Variants in CLEC6A observed in about 807,000 individuals in gnomAD.
The protein encoded by CLEC6A is C-type lectin domain containing 6A.
CLEC6A carries 22 observed loss-of-function variants against 25.7 expected under a neutral mutation model. The ratio of observed to expected loss-of-function variants is 0.85; its 90% CI spans 0.61 to 1.22. CLEC6A has a LOEUF of 1.22. CLEC6A is among the 50% of genes most tolerant of loss of function. The probability of loss-of-function intolerance (pLI) is 0.00; values close to 1 mark genes in which losing one functional copy is unlikely to be tolerated. For missense variants in CLEC6A, 240 were observed against 236.8 expected, an observed-to-expected ratio of 1.01 and a Z score of -0.09; for synonymous variants, 92 against 76.7, an observed-to-expected ratio of 1.20 and a Z score of -1.04.
chr12:8,456,216 C>A, intron 1 of CLEC6A, 74 bp downstream of exon 1: 1 of 1,443,272 alleles, frequency 6.9e-7, no homozygotes, highest in Non-Finnish European at 9.7e-7. Flanking sequence ...GAAGAAGTAG[C>A]CAAAGAACAG....
chr12:8,456,997 C>T (rs4883147), intron 1 of CLEC6A, among the ~76,000 whole-genome samples: 114,068 of 151,708 alleles, frequency 0.75, 43,318 homozygotes, highest in East Asian at 0.99. Flanking sequence ...GTAATCCTAG[C>T]CACTCAGGAG....
At chr12:8,467,180 A>G (rs2136361927) in intron 4 of CLEC6A, among the ~76,000 whole-genome samples, 1 of 152,116 alleles carries the variant, frequency 6.6e-6, no homozygotes, top group Middle Eastern at 3.4e-3. Context: ...TTTGCTTTGT[A>G]GAAGTTTTTA....
In CLEC6A at chr12:8,458,044, C is replaced by T; in HGVS notation, c.121+57C>T. On this transcript the variant is annotated intron_variant, in intron 2 of 5. Coordinates refer to ENST00000382073, the MANE Select transcript of CLEC6A (RefSeq NM_001007033.2). Reference sequence around the variant, plus strand: ...CTTCCTTTCCCTTGAATATTCCATACAGGTTTCCTAGGATATATTCTCCTT... The same window carrying T: ...CTTCCTTTCCCTTGAATATTCCATATAGGTTTCCTAGGATATATTCTCCTT... 13 of 1,240,100 alleles carry T rather than the reference C, an allele frequency of 1.0e-5. No individual in the cohort carries two copies. In the South Asian group the frequency reaches 1.6e-4, roughly 15 times the overall value. The allele number at this position is 1,240,100 out of a possible 1,614,324, so 76.8% of individuals were successfully genotyped here.
At chr12:8,476,353 G>A (rs1939974277) in intron 5 of CLEC6A, 113 bp downstream of exon 5, 2 of 700,044 alleles carry the variant, frequency 2.9e-6, no homozygotes, top group Admixed American at 2.5e-5. Context: ...CAATTATTAA[G>A]CATTACTAAG....
At position 8,469,346 on chromosome 12, in the gene CLEC6A, A is replaced by G. The variant is rs770907717; in HGVS notation, c.369+3717A>G. On this transcript the variant is annotated intron_variant, in intron 4 of 5. Transcript: ENST00000382073. ...GATGATTAGAATCAATATTGTTAAA[A>G]TGACCATATTGCCAAAAGCAGTCTA... 7.2e-5 allele frequency among the ~76,000 whole-genome samples: 11 copies of G among 152,322 alleles called. No individual in the cohort carries two copies. The East Asian group carries it at 2.1e-3, about 29-fold the overall frequency.
At chr12:8,457,270 T>C (rs1195231602) in intron 1 of CLEC6A, among the ~76,000 whole-genome samples, 1 of 152,240 alleles carries the variant, frequency 6.6e-6, no homozygotes, top group East Asian at 1.9e-4. Flanking sequence ...TTCTATTCAC[T>C]ACCTCCATGA....
At chr12:8,458,189 G>T (rs959319650) in intron 2 of CLEC6A, among the ~76,000 whole-genome samples, 3 of 152,034 alleles carry the variant, frequency 2.0e-5, no homozygotes, top group African/African-American at 7.2e-5. Flanking sequence ...TACTTTACCT[G>T]GTTTTATTAG....
At chr12:8,456,735 T>C (rs1160280970) in intron 1 of CLEC6A, among the ~76,000 whole-genome samples, 4 of 152,222 alleles carry the variant, frequency 2.6e-5, no homozygotes, top group African/African-American at 7.2e-5. Context: ...AATTACATTA[T>C]CCATCACCTC....
chr12:8,471,676 T>C (rs946967826), intron 4 of CLEC6A, among the ~76,000 whole-genome samples: 5 of 152,120 alleles, frequency 3.3e-5, no homozygotes, highest in African/African-American at 1.2e-4. Context: ...TCCTTTTTCT[T>C]ACTTAGTCTA....
intron 3 of CLEC6A, chr12:8,461,094 G>A: frequency 1.3e-6 from 2 of 1,595,870 alleles, no homozygotes; most frequent in Non-Finnish European, 1.7e-6. Flanking sequence ...ACAAGCACAG[G>A]GAGATGTGTG....
intron 3 of CLEC6A, 130 bp downstream of exon 3, chr12:8,459,828 T>G (rs1449275190): frequency 4.0e-5 from 26 of 650,760 alleles, no homozygotes; most frequent in Non-Finnish European, 6.0e-5. Flanking sequence ...TTGGATATTT[T>G]CATAATTTCT....
At position 8,478,046 on chromosome 12, in the gene CLEC6A, G is replaced by A. The variant is rs934137418; in HGVS notation, c.*582G>A. The stretch of plus-strand genomic sequence containing the variant: ...TTCAATCAAGTTTGGCAAGCAGGGT[G>A]TTCGATACTGCTATATCCTGTATTC... On this transcript the variant is annotated 3_prime_UTR_variant, in exon 6 of 6. Transcript: ENST00000382073. The A allele has an allele frequency of 1.3e-5, 2 of 152,014 alleles. No individual in the cohort carries two copies. Among genetic ancestry groups the A allele is most frequent in the Admixed American group, 1.3e-4 (2 of 15,242 alleles). The allele number at this position is 152,014 out of a possible 1,614,324, so 9.4% of individuals were successfully genotyped here.
At chr12:8,457,839 G>A (rs2136356030) in intron 1 of CLEC6A, 59 bp from the exon 2 acceptor site, 1 of 1,211,214 alleles carries the variant, frequency 8.3e-7, no homozygotes, top group East Asian at 2.3e-5. Flanking sequence ...TAAGCTTCCT[G>A]GGGATTTTGG....
At chr12:8,469,434 A>C (rs1030031582) in intron 4 of CLEC6A, among the ~76,000 whole-genome samples, 4 of 152,098 alleles carry the variant, frequency 2.6e-5, no homozygotes, top group African/African-American at 7.2e-5. Flanking sequence ...GAAAAAAAAA[A>C]CCCTAAAATT....
intron 4 of CLEC6A, among the ~76,000 whole-genome samples, chr12:8,466,653 T>G (rs1423748715): frequency 2.0e-5 from 2 of 101,870 alleles, no homozygotes; most frequent in African/African-American, 3.4e-5. Flanking sequence ...GTTGAGCAAG[T>G]GTTGTTTTGT....
rs1939816441 is a variant in CLEC6A at position 8,465,388 on chromosome 12, G to T, written c.224-96G>T. 3.3e-6 allele frequency: 4 copies of T among 1,200,856 alleles called. No homozygotes were observed. The African/African-American group carries it at 4.6e-5, about 14-fold the overall frequency. The allele number at this position is 1,200,856 out of a possible 1,614,324, so 74.4% of individuals were successfully genotyped here. On this transcript the variant is annotated intron_variant, in intron 3 of 5. Coordinates refer to ENST00000382073, the MANE Select transcript of CLEC6A (RefSeq NM_001007033.2). ...ATAATTCAGGAAACAGTAAAAACGT[G>T]AATTAAGAAACTGTCTCTACAAAGC...
intron 2 of CLEC6A, 31 bp from the exon 3 acceptor site, chr12:8,459,566 A>T: frequency 1.5e-6 from 2 of 1,371,788 alleles, no homozygotes; most frequent in Non-Finnish European, 2.1e-6. Context: ...AAAATAATAG[A>T]TGGACACTAA....
chr12:8,467,026 C>G (rs1939841809), intron 4 of CLEC6A, among the ~76,000 whole-genome samples: 1 of 152,160 alleles, frequency 6.6e-6, no homozygotes. Context: ...CCTTTGCCCT[C>G]TTTTTAACTG....
At chr12:8,467,590 T>C (rs1565483331) in intron 4 of CLEC6A, among the ~76,000 whole-genome samples, 1 of 152,200 alleles carries the variant, frequency 6.6e-6, no homozygotes. Flanking sequence ...TCGATTACTG[T>C]AGCTTTGGAA....
Sources: gnomAD v4.1 joint callset for allele counts (sites outside exome capture counted in the v4.1 genomes callset) on GRCh38, gnomAD v4.1.1 for gene constraint, MANE v1.5 for transcripts, NCBI Gene and HGNC (gene_info 2026-07-23, HGNC 2026-07-21) for gene names.